The following FECH variants were observed in gnomAD, a reference collection of about 807,000 sequenced individuals.
The protein encoded by FECH is ferrochelatase, mitochondrial.
A neutral mutation model predicts 56.9 loss-of-function variants in FECH; 40 were observed. That is an observed-to-expected ratio of 0.70 (90% CI 0.55 to 0.92). The LOEUF is 0.92. FECH is among the 40% of genes least tolerant of loss of function. The probability of loss-of-function intolerance (pLI) is 0.00; values close to 1 mark genes in which losing one functional copy is unlikely to be tolerated. For missense variants in FECH, 431 were observed against 529.1 expected, an observed-to-expected ratio of 0.81 and a Z score of 1.82; for synonymous variants, 175 against 198.6, an observed-to-expected ratio of 0.88 and a Z score of 1.00.
At position 57,562,993 on chromosome 18, in the gene FECH, G is replaced by C. The variant is rs370770399; in HGVS notation, c.599-13C>G. 354 of 1,600,164 alleles carry C rather than the reference G, an allele frequency of 2.2e-4. No individual in the cohort carries two copies. The highest frequency in any genetic ancestry group is 2.9e-4 in the Non-Finnish European group (337 of 1,167,690). ...TTTAAGCTGCTGCCTGAAATATACAGAGACCACTTAGTAGATGCATTTTGA... is the reference window on the plus strand; with the variant it reads ...TTTAAGCTGCTGCCTGAAATATACACAGACCACTTAGTAGATGCATTTTGA... On this transcript the variant is annotated splice_polypyrimidine_tract_variant and intron_variant, in intron 5 of 10. Transcript: ENST00000262093.
chr18:57,554,203 A>G, intron 9 of FECH, 57 bp downstream of exon 9: 1 of 1,600,598 alleles, frequency 6.2e-7, no homozygotes, highest in African/African-American at 1.3e-5. Context: ...TTAGTTGCAG[A>G]AAAAATTTCC....
chr18:57,586,538 C>A lies in FECH; in HGVS notation c.67+16G>T. On this transcript the variant is annotated intron_variant, in intron 1 of 10. Coordinates refer to ENST00000262093, the MANE Select transcript of FECH (RefSeq NM_000140.5). ...GGGATCCTGGCCCTGGCGGCCGCCG[C>A]GACAGACCCACTTACGCGGATCGCG... The A allele has an allele frequency of 6.6e-7, 1 of 1,520,520 alleles. No homozygotes were observed. Among genetic ancestry groups the A allele is most frequent in the South Asian group, 1.2e-5 (1 of 82,590 alleles). The allele number at this position is 1,520,520 out of a possible 1,614,324, so 94.2% of individuals were successfully genotyped here. A position where few individuals can be genotyped will look rare whatever the true frequency, so the allele number is the denominator to read the frequency against.
Position 57,573,344 on chromosome 18 carries a change from T to TA in FECH, c.215dup (p.Leu72PhefsTer9), listed in dbSNP as rs773486338. ...TTTCAGGGCCTCCCATGTTTAGCAT[T>TA]AATATTCCAGTTTTCGGCTTCCTAT... On this transcript the variant is annotated frameshift_variant, in exon 3 of 11. Transcript: ENST00000262093. LOFTEE classifies it high-confidence loss of function. The TA allele has an allele frequency of 2.5e-6, 4 of 1,614,158 alleles. No individual in the cohort carries two copies. Among genetic ancestry groups the TA allele is most frequent in the Admixed American group, 1.7e-5 (1 of 60,034 alleles).
At chr18:57,566,163 T>C (rs1274067446) in intron 5 of FECH, among the ~76,000 whole-genome samples, 1 of 152,080 alleles carries the variant, frequency 6.6e-6, no homozygotes, top group Non-Finnish European at 1.5e-5. Context: ...AGCCTTAAGG[T>C]TCATTACTGA....
In FECH at chr18:57,549,216, A is replaced by G. The variant is rs1232690043; in HGVS notation, c.*1496T>C. On this transcript the variant is annotated 3_prime_UTR_variant, in exon 11 of 11. Transcript: ENST00000262093. ...GGGCTGTCATCAACGTAGGAAAACT[A>G]TTAACTCAAGTGGATGACATGTTTC... 2.0e-5 allele frequency: 3 copies of G among 152,360 alleles called. No individual in the cohort carries two copies. Among genetic ancestry groups the G allele is most frequent in the South Asian group, 4.1e-4 (2 of 4,830 alleles). The allele number at this position is 152,360 out of a possible 1,614,324, so 9.4% of individuals were successfully genotyped here.
At position 57,550,101 on chromosome 18, in the gene FECH, C is replaced by A. The variant is rs1294664602; in HGVS notation, c.*611G>T. The A allele has an allele frequency of 6.5e-6, 1 of 153,144 alleles. No individual in the cohort carries two copies. Among genetic ancestry groups the A allele is most frequent in the Non-Finnish European group, 1.5e-5 (1 of 68,808 alleles). 9.5% of individuals were successfully genotyped at this position (153,144 alleles called of 1,614,324 possible). On this transcript the variant is annotated 3_prime_UTR_variant, in exon 11 of 11. Coordinates refer to ENST00000262093, the MANE Select transcript of FECH (RefSeq NM_000140.5). Reference sequence around the variant, plus strand: ...GCACCTCTGAAATCCATACTTGATTCCTTTTTACATTGAGGAAAGTGAGAT... The same window carrying A: ...GCACCTCTGAAATCCATACTTGATTACTTTTTACATTGAGGAAAGTGAGAT...
intron 10 of FECH, 62 bp from the exon 11 acceptor site, chr18:57,550,908 C>A (rs2050789520): frequency 1.2e-6 from 2 of 1,607,470 alleles, no homozygotes; most frequent in South Asian, 1.1e-5. Context: ...TCTGCCATGC[C>A]CCCTCCTCCA....
At chr18:57,586,408 C>T in intron 1 of FECH, 146 bp downstream of exon 1, 3 of 872,702 alleles carry the variant, frequency 3.4e-6, no homozygotes, top group Non-Finnish European at 5.0e-6. Flanking sequence ...CCCTTCTCCG[C>T]GACGCCCCTC....
chr18:57,569,162 T>C (rs984487349), intron 4 of FECH, among the ~76,000 whole-genome samples: 2 of 152,278 alleles, frequency 1.3e-5, no homozygotes, highest in African/African-American at 2.4e-5. Flanking sequence ...AGTTAAACTA[T>C]AATTTGCAAA....
At chr18:57,581,011 G>A (rs1013622723) in intron 1 of FECH, among the ~76,000 whole-genome samples, 1 of 152,192 alleles carries the variant, frequency 6.6e-6, no homozygotes, top group Admixed American at 6.5e-5. Context: ...ATGAAGACCA[G>A]AGAGTCCATC....
chr18:57,553,510 G>C (rs139213559), intron 9 of FECH, among the ~76,000 whole-genome samples: 1 of 152,252 alleles, frequency 6.6e-6, no homozygotes, highest in African/African-American at 2.4e-5. Context: ...AGGGAGGAAA[G>C]GGTTTCTTGG....
At chr18:57,554,565 T>G (rs1293925255) in intron 8 of FECH, 141 bp from the exon 9 acceptor site, 5 of 926,728 alleles carry the variant, frequency 5.4e-6, no homozygotes, top group Non-Finnish European at 8.7e-6. Context: ...ATTTTGATAT[T>G]TTCACATGGA....
rs2050720562 is a variant in FECH, at chr18:57,546,354, G to A, written c.*4358C>T. Among the ~76,000 whole-genome samples, 1 of 152,204 alleles carries A rather than the reference G, an allele frequency of 6.6e-6. No individual in the cohort carries two copies. ...AAGGTGGTCCTTTGCCGCATCGACA[G>A]GAGCTCATACGGCAGAGCCCCTAGG... On this transcript the variant is annotated 3_prime_UTR_variant, in exon 11 of 11. Transcript: ENST00000262093.
At chr18:57,573,051 C>T (rs1430392153) in intron 3 of FECH, 195 bp downstream of exon 3, 8 of 627,010 alleles carry the variant, frequency 1.3e-5, no homozygotes, top group African/African-American at 1.1e-4. Context: ...AGGAGAATCC[C>T]CACTAACTTA....
intron 1 of FECH, chr18:57,585,767 C>T (rs1170549007): frequency 6.6e-6 from 1 of 152,206 alleles, no homozygotes; most frequent in Non-Finnish European, 1.5e-5. Flanking sequence ...AATGGCTAGA[C>T]ATCTTGAGGA....
At position 57,580,211 on chromosome 18, in the gene FECH, T is replaced by C; in HGVS notation, c.68-12A>G. The C allele has an allele frequency of 6.2e-7, 1 of 1,614,092 alleles. No homozygotes were observed. Among genetic ancestry groups the C allele is most frequent in the South Asian group, 1.1e-5 (1 of 91,078 alleles). On this transcript the variant is annotated splice_polypyrimidine_tract_variant and intron_variant, in intron 1 of 10. Coordinates refer to ENST00000262093, the MANE Select transcript of FECH (RefSeq NM_000140.5). ...GCTGCTGGATGCCACTGTGACAAAA[T>C]TAAAGTGCTCGCATGAAATCTAGCT... is the stretch of plus-strand genomic sequence containing the variant.
chr18:57,556,910 CAAAAAAAA>C (rs57650194), intron 7 of FECH, among the ~76,000 whole-genome samples: 1 of 44,390 alleles, frequency 2.3e-5, no homozygotes, highest in East Asian at 6.8e-4. Flanking sequence ...GACCCTGTCT[CAAAAAAAA>C]AAAAAAAAAA....
chr18:57,550,593 C>A lies in FECH; in HGVS notation c.*119G>T. On this transcript the variant is annotated 3_prime_UTR_variant, in exon 11 of 11. Coordinates refer to ENST00000262093, the MANE Select transcript of FECH (RefSeq NM_000140.5). ...AAACCACACAATTTGTACCCAAAGG[C>A]TGTATATATATCAAGGAAGGATGAC... The A allele has an allele frequency of 7.8e-7, 1 of 1,288,816 alleles. No homozygotes were observed. Among genetic ancestry groups the A allele is most frequent in the Non-Finnish European group, 1.1e-6 (1 of 905,462 alleles). The allele number at this position is 1,288,816 out of a possible 1,614,324, so 79.8% of individuals were successfully genotyped here.
intron 2 of FECH, among the ~76,000 whole-genome samples, chr18:57,577,632 T>C (rs933461690): frequency 6.6e-6 from 1 of 151,548 alleles, no homozygotes; most frequent in African/African-American, 2.4e-5. Context: ...AAAATACTCT[T>C]CAGTTACTAA....
Sources: allele counts gnomAD v4.1 joint callset (sites outside exome capture counted in the v4.1 genomes callset), GRCh38; gene constraint gnomAD v4.1.1; transcripts MANE v1.5; gene names NCBI Gene and HGNC (gene_info 2026-07-23, HGNC 2026-07-21).